ROBO2: variants seen among roughly 807,000 people sequenced by gnomAD.
ROBO2 encodes roundabout guidance receptor 2.
A neutral mutation model predicts 160.8 loss-of-function variants in ROBO2; 53 were observed. That is an observed-to-expected ratio of 0.33 (90% CI 0.26 to 0.41). ROBO2 has a LOEUF of 0.41. Ranked by LOEUF, ROBO2 falls within the 10% of genes least tolerant of loss-of-function variation. ROBO2 has a pLI of 1.00. For missense variants in ROBO2, 1,577 were observed against 1,722.4 expected (o/e 0.92, Z 1.49); for synonymous variants, 664 against 611.7 (o/e 1.09, Z -1.26).
chr3:77,335,676 G>A (rs932844496), intron 2 of ROBO2, among the ~76,000 whole-genome samples: 3 of 152,102 alleles, frequency 2.0e-5, no homozygotes, highest in Non-Finnish European at 4.4e-5. Context: ...TATTAAACAG[G>A]AAGCATTCCA....
At chr3:77,074,832 G>A (rs1467453007) in intron 1 of ROBO2, among the ~76,000 whole-genome samples, 2 of 152,094 alleles carry the variant, frequency 1.3e-5, no homozygotes, top group Non-Finnish European at 2.9e-5. Flanking sequence ...ATGAGATGAC[G>A]GTGAGGCAAC....
Position 76,422,413 on chromosome 3 carries a change from C to T in ROBO2, c.109+484811C>T, listed in dbSNP as rs192652725. On this transcript the variant is annotated intron_variant, in intron 2 of 26. Coordinates refer to the ROBO2 transcript ENST00000487694. ...AAAATGTGGATAAATTTAACTATTT[C>T]TACTTGAACAGGTGGGCCTGGGCCT... Among the ~76,000 whole-genome samples, 510 of 152,222 alleles carry T rather than the reference C, an allele frequency of 3.4e-3. 3 individuals carry two copies. The highest frequency in any genetic ancestry group is 0.012 in the African/African-American group (488 of 41,534).
intron 2 of ROBO2, among the ~76,000 whole-genome samples, chr3:76,341,209 C>G (rs1480349767): frequency 1.3e-5 from 2 of 150,756 alleles, no homozygotes; most frequent in African/African-American, 5.0e-5. Context: ...AGAATAAACA[C>G]AAAACTTCAA....
At chr3:76,109,288 T>A (rs2070103337) in intron 2 of ROBO2, among the ~76,000 whole-genome samples, 1 of 152,056 alleles carries the variant, frequency 6.6e-6, no homozygotes, top group African/African-American at 2.4e-5. Context: ...GAGAAAACTA[T>A]GACTGATTGG....
chr3:76,666,338 G>A (rs930086053), intron 2 of ROBO2, among the ~76,000 whole-genome samples: 6 of 151,886 alleles, frequency 4.0e-5, no homozygotes, highest in Non-Finnish European at 8.8e-5. Context: ...TTTTAAGCAG[G>A]CAATTTAACC....
chr3:76,977,052 T>C (rs545106365), intron 2 of ROBO2, among the ~76,000 whole-genome samples: 1 of 152,324 alleles, frequency 6.6e-6, no homozygotes, highest in East Asian at 1.9e-4. Context: ...GGAAATGGCA[T>C]CCTATGTAAA....
At chr3:76,706,135 G>A (rs370478781) in intron 2 of ROBO2, among the ~76,000 whole-genome samples, 1 of 152,014 alleles carries the variant, frequency 6.6e-6, no homozygotes, top group East Asian at 1.9e-4. Context: ...TTAACTTGAA[G>A]TATTAAGAAA....
chr3:77,272,377 G>A (rs2059549580), intron 2 of ROBO2, among the ~76,000 whole-genome samples: 1 of 152,094 alleles, frequency 6.6e-6, no homozygotes, highest in Non-Finnish European at 1.5e-5. Flanking sequence ...AGGGGAAGCA[G>A]ACATGTCTTA....
intron 2 of ROBO2, among the ~76,000 whole-genome samples, chr3:76,544,884 G>T (rs1320897177): frequency 6.6e-6 from 1 of 151,924 alleles, no homozygotes; most frequent in Non-Finnish European, 1.5e-5. Flanking sequence ...AGCCTTTACT[G>T]CTACCCTTTT....
chr3:76,218,445 G>A (rs868694160), intron 2 of ROBO2, among the ~76,000 whole-genome samples: 20 of 152,154 alleles, frequency 1.3e-4, no homozygotes, highest in African/African-American at 4.3e-4. Context: ...TCCTTAAGCT[G>A]ATAAGCAACT....
chr3:77,615,725 T>A (rs896178854), intron 21 of ROBO2, among the ~76,000 whole-genome samples: 1 of 152,220 alleles, frequency 6.6e-6, no homozygotes, highest in Non-Finnish European at 1.5e-5. Flanking sequence ...AGTTTATTTA[T>A]CCATCTACCT....
intron 2 of ROBO2, among the ~76,000 whole-genome samples, chr3:76,471,224 G>C (rs2078640025): frequency 6.6e-6 from 1 of 152,132 alleles, no homozygotes; most frequent in Non-Finnish European, 1.5e-5. Flanking sequence ...GTCATGGCAG[G>C]TAACAGGGCA....
chr3:77,461,589 T>C (rs1012884171), intron 2 of ROBO2, among the ~76,000 whole-genome samples: 13 of 151,966 alleles, frequency 8.6e-5, no homozygotes, highest in African/African-American at 2.9e-4. Context: ...CCATATGAAA[T>C]ATAAAAGACA....
At chr3:77,175,659 A>G (rs2080084544) in intron 2 of ROBO2, among the ~76,000 whole-genome samples, 1 of 151,982 alleles carries the variant, frequency 6.6e-6, no homozygotes, top group South Asian at 2.1e-4. Context: ...CATTTGTGAG[A>G]ATGGTTTAGG....
At chr3:76,872,668 T>C (rs1457160236) in intron 2 of ROBO2, among the ~76,000 whole-genome samples, 1 of 152,070 alleles carries the variant, frequency 6.6e-6, no homozygotes. Context: ...GGCATCAGGA[T>C]ATTTTTTCTA....
chr3:76,097,014 T>C (rs542173107), intron 2 of ROBO2, among the ~76,000 whole-genome samples: 3 of 152,278 alleles, frequency 2.0e-5, no homozygotes, highest in South Asian at 4.1e-4. Context: ...GGAAACCTGG[T>C]AAACATAGAT....
intron 2 of ROBO2, among the ~76,000 whole-genome samples, chr3:75,966,362 C>G (rs2107320641): frequency 6.6e-6 from 1 of 151,718 alleles, no homozygotes; most frequent in East Asian, 2.0e-4. Flanking sequence ...CAGTAGCAAC[C>G]ACAATTATGG....
chr3:77,096,599 C>T (rs1444530743), intron 1 of ROBO2, among the ~76,000 whole-genome samples: 1 of 151,996 alleles, frequency 6.6e-6, no homozygotes, highest in East Asian at 1.9e-4. Flanking sequence ...TAGGTGTCCA[C>T]CACCCTGCCT....
intron 2 of ROBO2, among the ~76,000 whole-genome samples, chr3:77,362,075 A>G (rs543036677): frequency 6.6e-6 from 1 of 152,308 alleles, no homozygotes; most frequent in East Asian, 1.9e-4. Flanking sequence ...GAAGGATGAC[A>G]TTCATACATA....
Sources: gnomAD v4.1 joint callset for allele counts (sites outside exome capture counted in the v4.1 genomes callset) on GRCh38, gnomAD v4.1.1 for gene constraint, MANE v1.5 for transcripts, NCBI Gene and HGNC (gene_info 2026-07-23, HGNC 2026-07-21) for gene names.